The following CAMK1D variants were observed in gnomAD, a reference collection of about 807,000 sequenced individuals.
The protein encoded by CAMK1D is calcium/calmodulin dependent protein kinase ID.
CAMK1D carries 9 observed loss-of-function variants against 47.7 expected under a neutral mutation model. The observed-to-expected ratio is 0.19, with a 90% CI of 0.11 to 0.33. CAMK1D has a LOEUF of 0.33. CAMK1D is among the 10% of genes least tolerant of loss of function. The pLI is 1.00. For synonymous variants in CAMK1D, 184 were observed against 184.9 expected, an observed-to-expected ratio of 0.99 and a Z score of 0.04; for missense variants, 291 against 488.7, an observed-to-expected ratio of 0.60 and a Z score of 3.81.
At chr10:12,687,850 C>T (rs1436248868) in intron 3 of CAMK1D, among the ~76,000 whole-genome samples, 2 of 152,190 alleles carry the variant, frequency 1.3e-5, no homozygotes, top group Admixed American at 1.3e-4. Context: ...TGCTTTCTTG[C>T]CAATATACCT....
chr10:12,545,860 C>T (rs1367295226), intron 1 of CAMK1D, among the ~76,000 whole-genome samples: 2 of 151,590 alleles, frequency 1.3e-5, no homozygotes, highest in African/African-American at 2.4e-5. Context: ...GAATGAATGA[C>T]GTTCAGGGAA....
At chr10:12,611,748 C>T (rs1178782494) in intron 2 of CAMK1D, among the ~76,000 whole-genome samples, 3 of 151,870 alleles carry the variant, frequency 2.0e-5, no homozygotes, top group African/African-American at 4.8e-5. Flanking sequence ...CGTGCCACCA[C>T]GCCCAGCTAA....
chr10:12,594,807 C>T (rs988481835), intron 2 of CAMK1D, among the ~76,000 whole-genome samples: 5 of 152,236 alleles, frequency 3.3e-5, no homozygotes, highest in East Asian at 1.9e-4. Flanking sequence ...CTCATCTGCT[C>T]GGCCTCATGC....
intron 2 of CAMK1D, among the ~76,000 whole-genome samples, chr10:12,627,324 A>T (rs1364179449): frequency 3.3e-5 from 5 of 151,960 alleles, no homozygotes; most frequent in African/African-American, 9.7e-5. Flanking sequence ...TGACCTCGTG[A>T]TCTGCCCGCC....
intron 1 of CAMK1D, among the ~76,000 whole-genome samples, chr10:12,529,514 T>C (rs983210634): frequency 1.3e-5 from 2 of 152,206 alleles, no homozygotes; most frequent in Admixed American, 6.5e-5. Flanking sequence ...CTACCCTCCT[T>C]ATGAATCTGT....
At position 12,805,367 on chromosome 10, in the gene CAMK1D, CTTTTTTTT is replaced by C. The variant is rs35851814; in HGVS notation, c.642-8815_642-8808del. Among the ~76,000 whole-genome samples the C allele has an allele frequency of 1.8e-3, 236 of 128,706 alleles. 6 individuals carry two copies. The East Asian group carries it at 0.047, about 25-fold the overall frequency. The allele number at this position is 128,706 out of a possible 152,430, so 84.4% of individuals were successfully genotyped here. Reference sequence around the variant, plus strand: ...AATAAGCCATAATATCTTTACATTTCTTTTTTTTTTTTTTTTTTTTAAACACAGAGTTT... The same window carrying C: ...AATAAGCCATAATATCTTTACATTTCTTTTTTTTTTTTAAACACAGAGTTT... On this transcript the variant is annotated intron_variant, in intron 6 of 10. Transcript: ENST00000619168.
At position 12,784,045 on chromosome 10, in the gene CAMK1D, G is replaced by A. The variant is rs11257985; in HGVS notation, c.566-7113G>A. ...ACTGGTGTAAACTTGATAAGCCGATGGGATATTGTTTTGTCAGGAATAGCA... is the reference window on the plus strand; with the variant it reads ...ACTGGTGTAAACTTGATAAGCCGATAGGATATTGTTTTGTCAGGAATAGCA... On this transcript the variant is annotated intron_variant, in intron 5 of 10. Transcript: ENST00000619168. Among the ~76,000 whole-genome samples, 673 of 152,244 alleles carry A rather than the reference G, an allele frequency of 4.4e-3. 5 individuals are homozygous for A. The highest frequency in any genetic ancestry group is 0.015 in the African/African-American group (620 of 41,538).
intron 10 of CAMK1D, among the ~76,000 whole-genome samples, chr10:12,827,303 CTCTTT>C (rs1564593685): frequency 8.5e-5 from 7 of 82,252 alleles, no homozygotes; most frequent in Admixed American, 1.3e-4. Flanking sequence ...TTCTTTCTCT[CTCTTT>C]TTCTTTTCTT....
intron 3 of CAMK1D, among the ~76,000 whole-genome samples, chr10:12,744,017 C>T (rs1037361349): frequency 7.5e-4 from 105 of 139,430 alleles, no homozygotes; most frequent in African/African-American, 3.1e-3. Flanking sequence ...AGTGAGACTC[C>T]GTTTCAAAAA....
intron 3 of CAMK1D, among the ~76,000 whole-genome samples, chr10:12,684,062 T>A (rs2895526): frequency 0.46 from 69,249 of 151,948 alleles, 16,217 homozygotes; most frequent in Non-Finnish European, 0.48. Context: ...AGGGTATTTC[T>A]TGTCTTTGAG....
intron 1 of CAMK1D, among the ~76,000 whole-genome samples, chr10:12,445,968 C>T (rs895638500): frequency 6.6e-6 from 1 of 152,142 alleles, no homozygotes; most frequent in Admixed American, 6.5e-5. Context: ...GAAAAGTTCC[C>T]AGCGAGGGAA....
chr10:12,391,357 C>T (rs1257621127), intron 1 of CAMK1D, among the ~76,000 whole-genome samples: 6 of 152,040 alleles, frequency 3.9e-5, no homozygotes, highest in East Asian at 3.9e-4. Context: ...CGGTATGACA[C>T]GTGAAGAAAA....
intron 1 of CAMK1D, among the ~76,000 whole-genome samples, chr10:12,478,126 C>G (rs1417680814): frequency 6.6e-6 from 1 of 151,400 alleles, no homozygotes; most frequent in African/African-American, 2.4e-5. Flanking sequence ...CTGCCTCAGC[C>G]TCCTGAGTAG....
intron 5 of CAMK1D, among the ~76,000 whole-genome samples, chr10:12,787,771 G>T (rs1382219567): frequency 2.0e-5 from 3 of 152,214 alleles, no homozygotes; most frequent in African/African-American, 7.2e-5. Context: ...GGAGGCTGAG[G>T]CCGGTGGATC....
intron 6 of CAMK1D, among the ~76,000 whole-genome samples, chr10:12,806,735 A>G (rs137874346): frequency 1.7e-3 from 256 of 152,322 alleles, no homozygotes; most frequent in African/African-American, 6.0e-3. Context: ...ATTTTTGTCC[A>G]TGCCAGGGGC....
chr10:12,580,725 G>A (rs1407007523), intron 2 of CAMK1D, among the ~76,000 whole-genome samples: 1 of 152,148 alleles, frequency 6.6e-6, no homozygotes, highest in African/African-American at 2.4e-5. Flanking sequence ...GGGTCCTATG[G>A]GGAACCCCAG....
At chr10:12,480,366 C>G (rs567565452) in intron 1 of CAMK1D, among the ~76,000 whole-genome samples, 1 of 151,662 alleles carries the variant, frequency 6.6e-6, no homozygotes, top group South Asian at 2.1e-4. Flanking sequence ...ACCCGGGAGG[C>G]GGAGGTTGCA....
chr10:12,657,209 G>A (rs562843820), intron 2 of CAMK1D, among the ~76,000 whole-genome samples: 3 of 152,116 alleles, frequency 2.0e-5, no homozygotes, highest in Non-Finnish European at 2.9e-5. Flanking sequence ...GGCTGATCAC[G>A]AGGTCAAGAG....
At position 12,378,800 on chromosome 10, in the gene CAMK1D, T is replaced by C. The variant is rs549056428; in HGVS notation, c.92+28890T>C. ...ATCCAAGTGTGAGCATGCATTTCTT[T>C]TTCTTTTTCTTTTCTTTTTTTTTTT... On this transcript the variant is annotated intron_variant, in intron 1 of 10. Transcript: ENST00000619168. Among the ~76,000 whole-genome samples the C allele has an allele frequency of 3.0e-5, 4 of 132,750 alleles. No homozygotes were observed. The South Asian group carries it at 9.9e-4, about 33-fold the overall frequency. 87.1% of individuals were successfully genotyped at this position (132,750 alleles called of 152,430 possible).
Sources: allele counts gnomAD v4.1 joint callset (sites outside exome capture counted in the v4.1 genomes callset), GRCh38; gene constraint gnomAD v4.1.1; transcripts MANE v1.5; gene names NCBI Gene and HGNC (gene_info 2026-07-23, HGNC 2026-07-21).